COL6A6: variants seen among roughly 807,000 people sequenced by gnomAD.
COL6A6 encodes the protein collagen alpha-6(VI) chain.
Under a neutral mutation model 208.6 loss-of-function variants are expected in COL6A6, and 183 were observed. That is an observed-to-expected ratio of 0.88 (90% CI 0.78 to 0.99). The LOEUF is 0.99. Among genes scored for constraint, COL6A6 ranks in the 50% least tolerant of loss-of-function variants. COL6A6 has a pLI of 0.00. For missense variants in COL6A6, 2,816 were observed against 2,815.2 expected (o/e 1.00, Z -0.01); for synonymous variants, 973 against 1,011.8 (o/e 0.96, Z 0.73).
In COL6A6 at chr3:130,581,883, T is replaced by A; in HGVS notation, c.3870T>A (p.Asn1290Lys). 1 of 1,607,956 alleles carries A rather than the reference T, an allele frequency of 6.2e-7. No individual in the cohort carries two copies. Among genetic ancestry groups the A allele is most frequent in the Non-Finnish European group, 8.5e-7 (1 of 1,176,286 alleles). ...ATTCTCTATGGGATACATTTCAGAA[T>A]AAATCAGCTGCTCGAGGAAAGGTAA... Reference protein sequence around the residue: ...LLDSLWDTFQNKSAARGKVVL... With the variant: ...LLDSLWDTFQKKSAARGKVVL... Residue 1290 changes from asparagine to lysine, a missense_variant, in exon 9 of 37, where the codon AAT becomes AAA. Transcript: ENST00000358511.
chr3:130,531,061 G>GTCTCTCTCTCTCTCTC (rs10662894), intron 1 of COL6A6, among the ~76,000 whole-genome samples: 7 of 136,654 alleles, frequency 5.1e-5, no homozygotes, highest in African/African-American at 1.4e-4. Flanking sequence ...CACACACACA[G>GTCTCTCTCTCTCTCTC]TCTCTCTCTC....
At chr3:130,582,226 A>G (rs2063441996) in intron 10 of COL6A6, among the ~76,000 whole-genome samples, 158 bp downstream of exon 10, 3 of 152,198 alleles carry the variant, frequency 2.0e-5, no homozygotes, top group Admixed American at 1.3e-4. Context: ...ATGAGCTCTC[A>G]GAATATTTTG....
chr3:130,518,976 T>C (rs1275442769), intron 1 of COL6A6, among the ~76,000 whole-genome samples: 1 of 152,240 alleles, frequency 6.6e-6, no homozygotes, highest in African/African-American at 2.4e-5. Flanking sequence ...TATATTTTAG[T>C]AATTTAAAAA....
chr3:130,535,755 G>GGACTCCTGTACCATATGGATTTT (rs2062209610), intron 1 of COL6A6, among the ~76,000 whole-genome samples: 1 of 152,034 alleles, frequency 6.6e-6, no homozygotes, highest in Non-Finnish European at 1.5e-5. Flanking sequence ...GATTTTGTAG[G>GGACTCCTGTACCATATGGATTTT]GTGAAGCCCT....
chr3:130,647,693 C>A (rs1306821084), intron 32 of COL6A6, among the ~76,000 whole-genome samples: 1 of 152,224 alleles, frequency 6.6e-6, no homozygotes, highest in Non-Finnish European at 1.5e-5. Context: ...AGAGGGATGT[C>A]TCCTTGCCAG....
chr3:130,620,676 C>G (rs2064688182), intron 23 of COL6A6, among the ~76,000 whole-genome samples: 1 of 152,168 alleles, frequency 6.6e-6, no homozygotes, highest in African/African-American at 2.4e-5. Flanking sequence ...TATTGTTCAA[C>G]AATCCTTCCT....
At chr3:130,521,504 G>A (rs1324281931) in intron 1 of COL6A6, among the ~76,000 whole-genome samples, 1 of 152,210 alleles carries the variant, frequency 6.6e-6, no homozygotes, top group Non-Finnish European at 1.5e-5. Context: ...CTCTGGGACA[G>A]CTAGAAACTT....
intron 23 of COL6A6, among the ~76,000 whole-genome samples, chr3:130,613,444 G>C (rs1298762855): frequency 6.6e-6 from 1 of 152,104 alleles, no homozygotes; most frequent in Non-Finnish European, 1.5e-5. Flanking sequence ...AGTCACATAA[G>C]GTGATGCCTT....
chr3:130,644,936 G>A, intron 31 of COL6A6, 55 bp from the exon 32 acceptor site: 1 of 1,550,284 alleles, frequency 6.5e-7, no homozygotes, highest in Non-Finnish European at 8.9e-7. Context: ...GCACGATACA[G>A]AACTCTCTTC....
chr3:130,522,455 T>A (rs1271216421), intron 1 of COL6A6, among the ~76,000 whole-genome samples: 1 of 152,200 alleles, frequency 6.6e-6, no homozygotes, highest in African/African-American at 2.4e-5. Context: ...AAACACATGC[T>A]CAGTGAAGAT....
At chr3:130,673,220 A>AAAAAAAAAACCC (rs1553724897) in intron 36 of COL6A6, among the ~76,000 whole-genome samples, 2 of 129,624 alleles carry the variant, frequency 1.5e-5, no homozygotes, top group Non-Finnish European at 3.3e-5. Context: ...AAAAAAACAA[A>AAAAAAAAAACCC]AAAAAAAAAC....
Position 130,661,853 on chromosome 3 carries a change from C to G in COL6A6, c.6047C>G (p.Ala2016Gly). 1 of 1,613,916 alleles carries G rather than the reference C, an allele frequency of 6.2e-7. No individual in the cohort carries two copies. The highest frequency in any genetic ancestry group is 8.5e-7 in the Non-Finnish European group (1 of 1,179,846). The part of the protein sequence containing the change: ...TGDRVALLSH[A>G]PPDFLPNTQK... The stretch of plus-strand genomic sequence containing the variant: ...GACCGGGTGGCCCTATTGAGCCATG[C>G]TCCCCCCGACTTCCTACCCAACACT... Residue 2016 changes from alanine to glycine, a missense_variant, in exon 35 of 37, where the codon GCT becomes GGT. Transcript: ENST00000358511.
intron 24 of COL6A6, among the ~76,000 whole-genome samples, chr3:130,622,086 A>G (rs2064737261): frequency 6.6e-6 from 1 of 152,042 alleles, no homozygotes; most frequent in Non-Finnish European, 1.5e-5. Flanking sequence ...GCTCAGTGTA[A>G]TTTAAGAGGG....
chr3:130,563,638 G>C lies in COL6A6; in HGVS notation c.635G>C (p.Gly212Ala). The C allele has an allele frequency of 6.2e-7, 1 of 1,612,488 alleles. No homozygotes were observed. Residue 212 changes from glycine to alanine, a missense_variant, in exon 3 of 37, where the codon GGA (glycine) becomes GCA (alanine). Gly to Ala is a moderately conservative substitution (Grantham distance 60). Coordinates refer to ENST00000358511, the MANE Select transcript of COL6A6 (RefSeq NM_001102608.3). The part of the protein sequence containing the change: ...IIKDVIKYKE[G>A]AVDDIFVEAC... ...AAGGATGTAATAAAGTACAAGGAGG[G>C]AGCAGTTGATGACATCTTTGTAGAA...
intron 23 of COL6A6, among the ~76,000 whole-genome samples, chr3:130,618,951 A>G (rs1389055094): frequency 1.3e-5 from 2 of 152,180 alleles, no homozygotes; most frequent in Non-Finnish European, 2.9e-5. Context: ...AGATCTTCCA[A>G]TTTATACATT....
At chr3:130,567,930 AATTAT>A in intron 5 of COL6A6, 112 bp from the exon 6 acceptor site, 4 of 694,060 alleles carry the variant, frequency 5.8e-6, no homozygotes, top group Non-Finnish European at 9.7e-6. Flanking sequence ...ATTTACTACT[AATTAT>A]TACTAAGTAC....
intron 4 of COL6A6, 54 bp downstream of exon 4, chr3:130,565,668 C>A: frequency 6.6e-7 from 1 of 1,520,698 alleles, no homozygotes; most frequent in Non-Finnish European, 8.8e-7. Context: ...TCTTCTCTTT[C>A]AAATATTCTG....
intron 13 of COL6A6, among the ~76,000 whole-genome samples, chr3:130,591,548 C>T (rs902866364): frequency 6.6e-6 from 1 of 152,200 alleles, no homozygotes; most frequent in Non-Finnish European, 1.5e-5. Context: ...AGACCTCACA[C>T]TTTAACATAC....
chr3:130,642,825 T>G lies in COL6A6; in HGVS notation c.5155-7T>G. 1 of 1,613,544 alleles carries G rather than the reference T, an allele frequency of 6.2e-7. No individual in the cohort carries two copies. The highest frequency in any genetic ancestry group is 8.5e-7 in the Non-Finnish European group (1 of 1,179,642). ...GCATTAAAACAATGTTTTGTTTGTT[T>G]TCCTAGGGTGTGAAAGGAGCCAAAG... On this transcript the variant is annotated splice_region_variant and splice_polypyrimidine_tract_variant and intron_variant, in intron 29 of 36. Transcript: ENST00000358511.
Sources: allele counts gnomAD v4.1 joint callset (sites outside exome capture counted in the v4.1 genomes callset), GRCh38; gene constraint gnomAD v4.1.1; transcripts MANE v1.5; gene names NCBI Gene and HGNC (gene_info 2026-07-23, HGNC 2026-07-21).